The following WIPI2 variants were observed in gnomAD, a reference collection of about 807,000 sequenced individuals.
WIPI2 encodes WD repeat domain, phosphoinositide interacting 2, also known as WD repeat domain phosphoinositide-interacting protein 2.
In WIPI2, 28 loss-of-function variants were observed where a neutral mutation model predicts 52.3. That is an observed-to-expected ratio of 0.54 (90% CI 0.40 to 0.73). The LOEUF (loss-of-function observed/expected upper bound fraction) is 0.73, where lower values mean the gene tolerates loss of function less well. WIPI2 is among the 30% of genes least tolerant of loss of function. The pLI, the probability that WIPI2 is intolerant of heterozygous loss-of-function variation, is 0.00. For missense variants in WIPI2, 506 were observed against 602.9 expected, an observed-to-expected ratio of 0.84 and a Z score of 1.68; for synonymous variants, 268 against 245.0, an observed-to-expected ratio of 1.09 and a Z score of -0.88.
chr7:5,230,822 C>T lies in WIPI2; in HGVS notation c.1253-13C>T, dbSNP rs368546633. ...CCCAGCCTTTGAAGGGTGACTTCGT[C>T]GTCTCTTTGCAGCCTACACAGACGA... On this transcript the variant is annotated splice_polypyrimidine_tract_variant and intron_variant, in intron 12 of 12. Coordinates refer to ENST00000288828, the MANE Select transcript of WIPI2 (RefSeq NM_015610.4). This position sits in a 1 kb window ranked among gnomAD's most constrained non-coding sequence, Gnocchi z 4.8. The T allele has an allele frequency of 2.5e-6, 4 of 1,607,646 alleles. No individual in the cohort carries two copies. The South Asian group carries it at 3.3e-5, about 13-fold the overall frequency.
intron 4 of WIPI2, among the ~76,000 whole-genome samples, chr7:5,215,636 C>T (rs1180659433): frequency 2.6e-5 from 4 of 152,246 alleles, no homozygotes; most frequent in Non-Finnish European, 5.9e-5. Flanking sequence ...GATACAGTGA[C>T]TAGGTGAAGT....
intron 1 of WIPI2, among the ~76,000 whole-genome samples, chr7:5,191,260 G>A (rs1430371168): frequency 6.6e-6 from 1 of 152,150 alleles, no homozygotes; most frequent in African/African-American, 2.4e-5. Context: ...GACCTCAAGT[G>A]ATCCGCCCAC....
intron 7 of WIPI2, among the ~76,000 whole-genome samples, chr7:5,221,631 A>T (rs1783133679): frequency 6.6e-6 from 1 of 152,152 alleles, no homozygotes; most frequent in Non-Finnish European, 1.5e-5. Flanking sequence ...ATTCCCCCAG[A>T]TGTTCATGTC....
rs774155990 is a variant in WIPI2, at chr7:5,229,619, G to C, written c.1133G>C (p.Ser378Thr). ...TTTCTTCCCTCCAGGCTGGACGGCA[G>C]TCTGGAAACGACCAATGAGATCTTG... is the stretch of plus-strand genomic sequence containing the variant. ...ALMKQHRLDG[S>T]LETTNEILDS... The change falls in exon 12 of 13, where the codon AGT becomes ACT. Residue 378 changes from serine to threonine, a missense_variant. Around this residue, in one of 4 missense-constraint regions of WIPI2, gnomAD observed 194 missense variants for 175.1 expected, o/e 1.11. Transcript: ENST00000288828. 1.2e-6 allele frequency: 2 copies of C among 1,613,456 alleles called. No homozygotes were observed. Among genetic ancestry groups the C allele is most frequent in the Non-Finnish European group, 1.7e-6 (2 of 1,179,752 alleles).
At chr7:5,218,306 A>T (rs1175662526) in intron 7 of WIPI2, 2 of 310,540 alleles carry the variant, frequency 6.4e-6, no homozygotes, top group Non-Finnish European at 1.2e-5. Context: ...GTGTGTTTCT[A>T]AATGATGAAA....
At chr7:5,205,078 C>T (rs909180842) in intron 3 of WIPI2, among the ~76,000 whole-genome samples, 2 of 152,068 alleles carry the variant, frequency 1.3e-5, no homozygotes, top group African/African-American at 4.8e-5. Flanking sequence ...TGGGTTCAAG[C>T]AATTCTCCTG....
chr7:5,227,340 G>A lies in WIPI2; in HGVS notation c.1009G>A (p.Ala337Thr), dbSNP rs1356273201. The A allele has an allele frequency of 6.2e-7, 1 of 1,613,092 alleles. No homozygotes were observed. Among genetic ancestry groups the A allele is most frequent in the South Asian group, 1.1e-5 (1 of 91,086 alleles). The change falls in exon 10 of 13, where the codon GCC becomes ACC. Residue 337 changes from alanine to threonine, a missense_variant. Around this residue, in one of 4 missense-constraint regions of WIPI2, gnomAD observed 194 missense variants for 175.1 expected, o/e 1.11. Coordinates refer to ENST00000288828, the MANE Select transcript of WIPI2 (RefSeq NM_015610.4). The surrounding 1 kb of genome is among the most constrained non-coding windows in gnomAD (Gnocchi z 8.1). ...CGGCCACAAAAACATCTGCTCGCTA[G>A]CCACGTGAGTAGAGCCGGCGCCTCC... is the stretch of plus-strand genomic sequence containing the variant. ...FCGHKNICSL[A>T]TIQKIPRLLV...
At chr7:5,224,743 G>A (rs1783343224) in intron 8 of WIPI2, among the ~76,000 whole-genome samples, 1 of 152,182 alleles carries the variant, frequency 6.6e-6, no homozygotes, top group Non-Finnish European at 1.5e-5. Flanking sequence ...TCAAGTGCAG[G>A]GTCTGCAAAA....
At chr7:5,207,426 T>C (rs892809159) in intron 3 of WIPI2, among the ~76,000 whole-genome samples, 12 of 152,206 alleles carry the variant, frequency 7.9e-5, no homozygotes, top group African/African-American at 2.9e-4. Context: ...TCTACTCTTT[T>C]GATGACGTTT....
chr7:5,225,738 C>A (rs551432051), intron 8 of WIPI2, 85 bp from the exon 9 acceptor site: 2 of 924,092 alleles, frequency 2.2e-6, no homozygotes, highest in African/African-American at 3.3e-5. Context: ...GTGCCCGTGA[C>A]AGGAACTCTT....
At chr7:5,218,214 G>C in intron 7 of WIPI2, 200 bp downstream of exon 7, 1 of 549,572 alleles carries the variant, frequency 1.8e-6, no homozygotes, top group Non-Finnish European at 3.3e-6. Context: ...TGGGACGGGA[G>C]AGCTGGTCCA....
chr7:5,222,240 C>A (rs1389427272), intron 7 of WIPI2, among the ~76,000 whole-genome samples: 1 of 152,222 alleles, frequency 6.6e-6, no homozygotes, highest in African/African-American at 2.4e-5. Context: ...TGAGCCACCA[C>A]GCCCGGCCCA....
chr7:5,211,078 G>A (rs950981859), intron 3 of WIPI2, among the ~76,000 whole-genome samples: 3 of 152,222 alleles, frequency 2.0e-5, no homozygotes, highest in Non-Finnish European at 2.9e-5. Context: ...GTAGCCCTAT[G>A]TAGACCAGGA....
chr7:5,213,241 T>C (rs889559849), intron 3 of WIPI2: 12 of 152,242 alleles, frequency 7.9e-5, no homozygotes, highest in African/African-American at 2.9e-4. Context: ...TCTGTTCCTT[T>C]TGAATGAAGG....
At chr7:5,210,393 T>A (rs1583563219) in intron 3 of WIPI2, among the ~76,000 whole-genome samples, 1 of 152,242 alleles carries the variant, frequency 6.6e-6, no homozygotes, top group East Asian at 1.9e-4. Context: ...CTGGGCACAG[T>A]TACCTGCTTG....
At chr7:5,228,954 G>A (rs923396033) in intron 11 of WIPI2, among the ~76,000 whole-genome samples, 7 of 152,158 alleles carry the variant, frequency 4.6e-5, no homozygotes, top group Non-Finnish European at 1.0e-4. Context: ...CTAGGCTCAA[G>A]TGAGCCTCCT....
intron 4 of WIPI2, 83 bp downstream of exon 4, chr7:5,214,787 C>T: frequency 6.7e-7 from 1 of 1,493,360 alleles, no homozygotes; most frequent in Non-Finnish European, 9.2e-7. Flanking sequence ...CGGCATGCCC[C>T]TCCGTCATTC....
At chr7:5,217,792 G>T in intron 6 of WIPI2, 130 bp from the exon 7 acceptor site, 1 of 832,858 alleles carries the variant, frequency 1.2e-6, no homozygotes, top group African/African-American at 1.7e-5. Flanking sequence ...AAATCAAGTG[G>T]GTTTGGCATT....
intron 3 of WIPI2, among the ~76,000 whole-genome samples, chr7:5,202,224 G>C (rs898615540): frequency 2.0e-5 from 3 of 152,128 alleles, no homozygotes; most frequent in African/African-American, 4.8e-5. Flanking sequence ...ACAGCTACTT[G>C]TTGTTCTTTT....
Sources: gnomAD v4.1 joint callset for allele counts (sites outside exome capture counted in the v4.1 genomes callset) on GRCh38, gnomAD v4.1.1 for gene constraint, gnomAD v4.1.1 regional missense constraint, Gnocchi (gnomAD v3.1) non-coding constraint, MANE v1.5 for transcripts, NCBI Gene and HGNC (gene_info 2026-07-23, HGNC 2026-07-21) for gene names.